The following ANKDD1B variants were observed in gnomAD, a reference collection of about 807,000 sequenced individuals.
ANKDD1B encodes ankyrin repeat and death domain-containing protein 1B.
A neutral mutation model predicts 59.7 loss-of-function variants in ANKDD1B; 57 were observed. The ratio of observed to expected loss-of-function variants is 0.95; its 90% CI spans 0.77 to 1.19. ANKDD1B has a LOEUF of 1.19. Among genes scored for constraint, ANKDD1B ranks in the 50% most tolerant of loss-of-function variants. ANKDD1B has a pLI of 0.00. For missense variants in ANKDD1B, 602 were observed against 641.9 expected (o/e 0.94, Z 0.67); for synonymous variants, 216 against 239.5 (o/e 0.90, Z 0.91).
chr5:75,614,081 T>C (rs1411767817), intron 1 of ANKDD1B, among the ~76,000 whole-genome samples: 1 of 152,198 alleles, frequency 6.6e-6, no homozygotes, highest in Non-Finnish European at 1.5e-5. Context: ...GGGGTTGAGA[T>C]TTTACCCTAC....
chr5:75,661,079 T>G (rs959308313), intron 10 of ANKDD1B, among the ~76,000 whole-genome samples: 8 of 119,736 alleles, frequency 6.7e-5, no homozygotes, highest in East Asian at 2.3e-4. Flanking sequence ...GGTTTTTTTG[T>G]TTTTTTTTTT....
chr5:75,611,643 C>T lies in ANKDD1B; in HGVS notation c.9C>T (p.Pro3=), dbSNP rs1400830959. Residue 3 remains proline (P), a synonymous_variant, in exon 1 of 14, where the codon CCC becomes CCT. Transcript: ENST00000601380. ...GGCCCGCGGAGGAGACTATGGACCC[C>T]GCCGGGCGCGCCCGGGGCCAAGGGG... MD[P]AGRARGQGAT... is the part of the protein sequence containing the mutation. The T allele has an allele frequency of 8.1e-7, 1 of 1,231,156 alleles. No individual in the cohort carries two copies. Among genetic ancestry groups the T allele is most frequent in the African/African-American group, 1.6e-5 (1 of 64,286 alleles). The allele number at this position is 1,231,156 out of a possible 1,614,324, so 76.3% of individuals were successfully genotyped here.
intron 11 of ANKDD1B, among the ~76,000 whole-genome samples, chr5:75,666,041 C>G (rs1775297900): frequency 6.6e-6 from 1 of 152,144 alleles, no homozygotes; most frequent in Admixed American, 6.5e-5. Context: ...GTGGCATAAG[C>G]ACAGCATGCA....
At chr5:75,638,290 A>G (rs1774369126) in intron 7 of ANKDD1B, among the ~76,000 whole-genome samples, 1 of 152,208 alleles carries the variant, frequency 6.6e-6, no homozygotes, top group Non-Finnish European at 1.5e-5. Flanking sequence ...AGCCCAGGAA[A>G]CTTTAATTTC....
intron 1 of ANKDD1B, among the ~76,000 whole-genome samples, chr5:75,615,273 T>G (rs1773681985): frequency 6.6e-6 from 1 of 152,116 alleles, no homozygotes; most frequent in African/African-American, 2.4e-5. Flanking sequence ...TGAGGGATGA[T>G]TAGTTCAGGA....
chr5:75,668,468 G>T (rs1164367709), intron 12 of ANKDD1B, among the ~76,000 whole-genome samples: 1 of 152,182 alleles, frequency 6.6e-6, no homozygotes, highest in East Asian at 1.9e-4. Flanking sequence ...AGTACATTCT[G>T]TAAGTATGCA....
At chr5:75,655,308 A>T (rs1774940173) in intron 8 of ANKDD1B, among the ~76,000 whole-genome samples, 1 of 152,140 alleles carries the variant, frequency 6.6e-6, no homozygotes, top group Non-Finnish European at 1.5e-5. Flanking sequence ...CAGGCTGCAG[A>T]GGGCTTGGTG....
chr5:75,652,968 A>T (rs1005345209), intron 7 of ANKDD1B, among the ~76,000 whole-genome samples, 174 bp from the exon 8 acceptor site: 10 of 152,256 alleles, frequency 6.6e-5, no homozygotes, highest in Non-Finnish European at 1.5e-4. Context: ...TTTCAGTTCC[A>T]TTGTAATCTT....
intron 3 of ANKDD1B, 144 bp from the exon 4 acceptor site, chr5:75,625,503 C>T (rs1001834616): frequency 1.7e-5 from 11 of 654,870 alleles, no homozygotes; most frequent in African/African-American, 1.1e-4. Flanking sequence ...CCCATAGGAC[C>T]GAAATATCAC....
Position 75,635,847 on chromosome 5 carries a change from C to A in ANKDD1B, c.763C>A (p.Leu255Ile). The A allele has an allele frequency of 6.5e-7, 1 of 1,533,516 alleles. No homozygotes were observed. The highest frequency in any genetic ancestry group is 8.7e-7 in the Non-Finnish European group (1 of 1,145,330). The allele number at this position is 1,533,516 out of a possible 1,614,324, so 95.0% of individuals were successfully genotyped here. A position where few individuals can be genotyped will look rare whatever the true frequency, so the allele number is the denominator to read the frequency against. Residue 255 changes from leucine (L) to isoleucine (I), a missense_variant, in exon 7 of 14, where the codon CTA (leucine) becomes ATA (isoleucine). Around this residue, in one of 3 missense-constraint regions of ANKDD1B, gnomAD observed 5 missense variants for 17.5 expected, o/e 0.29. Transcript: ENST00000601380. ...TCACAGTCCTGCAGTGCAGGTGCTG[C>A]TAGCCCAGTGGCAAGACATAAATGA... ...HGHSPAVQVL[L>I]AQWQDINEMN...
At chr5:75,635,055 T>A in intron 6 of ANKDD1B, 59 bp downstream of exon 6, 1 of 1,116,368 alleles carries the variant, frequency 9.0e-7, no homozygotes, top group Non-Finnish European at 1.3e-6. Flanking sequence ...ACAATTGATG[T>A]AGAGGGGTAA....
At chr5:75,670,152 T>A (rs7713211) in intron 13 of ANKDD1B, among the ~76,000 whole-genome samples, 43,225 of 152,126 alleles carry the variant, frequency 0.28, 7,888 homozygotes, top group African/African-American at 0.5. Flanking sequence ...CCTCAACTTT[T>A]ACCCTGTTCC....
intron 10 of ANKDD1B, among the ~76,000 whole-genome samples, chr5:75,659,739 A>T (rs1044878098): frequency 2.0e-5 from 3 of 152,170 alleles, no homozygotes; most frequent in African/African-American, 7.2e-5. Flanking sequence ...ATCCATTATT[A>T]TAAATTATTT....
Position 75,620,407 on chromosome 5 carries a change from T to C in ANKDD1B, c.390T>C (p.Ala130=), listed in dbSNP as rs892391587. The change falls in exon 3 of 14, where the codon GCT becomes GCC. Residue 130 remains alanine, a synonymous_variant. Transcript: ENST00000601380. ...AACACAAGGCCAGGGTGGATGTTGC[T>C]GATAAGGTAAGCTCATCTTGAGTAG... ...LLKHKARVDV[A]DKHGLTVIHL... 3 of 1,527,808 alleles carry C rather than the reference T, an allele frequency of 2.0e-6. No individual in the cohort carries two copies. The African/African-American group carries it at 4.1e-5, about 21-fold the overall frequency. 94.6% of individuals were successfully genotyped at this position (1,527,808 alleles called of 1,614,324 possible).
chr5:75,630,104 G>A (rs1774108259), intron 5 of ANKDD1B, among the ~76,000 whole-genome samples: 3 of 152,114 alleles, frequency 2.0e-5, no homozygotes, highest in Admixed American at 2.0e-4. Context: ...CATCCTCCTG[G>A]CTGGAAAAGC....
intron 5 of ANKDD1B, among the ~76,000 whole-genome samples, chr5:75,626,748 T>C (rs1774004937): frequency 6.6e-6 from 1 of 151,944 alleles, no homozygotes; most frequent in African/African-American, 2.4e-5. Context: ...TGTCAGGGAC[T>C]GTCCTTCCCC....
intron 8 of ANKDD1B, among the ~76,000 whole-genome samples, chr5:75,654,709 G>A (rs1579968861): frequency 6.6e-6 from 1 of 152,246 alleles, no homozygotes; most frequent in East Asian, 1.9e-4. Flanking sequence ...AAACAGTTGG[G>A]GAAGTGAATG....
At chr5:75,659,519 A>G (rs1035971624) in intron 10 of ANKDD1B, 138 bp downstream of exon 10, 1 of 657,362 alleles carries the variant, frequency 1.5e-6, no homozygotes, top group Admixed American at 2.5e-5. Flanking sequence ...CTTCATAGTC[A>G]GTAAAATACC....
At chr5:75,659,997 C>G (rs1775085399) in intron 10 of ANKDD1B, among the ~76,000 whole-genome samples, 1 of 152,040 alleles carries the variant, frequency 6.6e-6, no homozygotes, top group African/African-American at 2.4e-5. Flanking sequence ...CTAGTCCTCA[C>G]TTGATTGACA....
Sources: allele counts gnomAD v4.1 joint callset (sites outside exome capture counted in the v4.1 genomes callset), GRCh38; gene constraint gnomAD v4.1.1; regional missense constraint gnomAD v4.1.1; transcripts MANE v1.5; gene names NCBI Gene and HGNC (gene_info 2026-07-23, HGNC 2026-07-21).